Variants in DMD observed in about 807,000 individuals in gnomAD.
DMD encodes the protein mutant dystrophin.
DMD carries 63 observed loss-of-function variants against 330.1 expected under a neutral mutation model. The ratio of observed to expected loss-of-function variants is 0.19; its 90% confidence interval spans 0.16 to 0.24. DMD has a LOEUF of 0.24. Among genes scored for constraint, DMD ranks in the 10% least tolerant of loss-of-function variants. The probability of loss-of-function intolerance (pLI) is 1.00; values close to 1 mark genes in which losing one functional copy is unlikely to be tolerated. For missense variants in DMD, 3,344 were observed against 2,684.1 expected (o/e 1.25, Z -5.43); for synonymous variants, 1,223 against 959.8 (o/e 1.27, Z -5.07).
At chrX:31,585,050 G>A (rs942483494) in intron 55 of DMD, among the ~76,000 whole-genome samples, 1 of 110,199 alleles carries the variant, frequency 9.1e-6, no homozygotes, top group Admixed American at 9.7e-5. Context: ...AATGAGGCGC[G>A]GTGGCTCACA....
chrX:32,483,936 T>C (rs963375696), intron 21 of DMD, among the ~76,000 whole-genome samples: 7 of 109,781 alleles, frequency 6.4e-5, no homozygotes, highest in Admixed American at 4.9e-4. Flanking sequence ...CTACATTAAT[T>C]CTGGAAATGA....
At chrX:33,051,212 CT>C (rs60096455) in intron 1 of DMD, among the ~76,000 whole-genome samples, 9,656 of 89,682 alleles carry the variant, frequency 0.11, 562 homozygotes, top group African/African-American at 0.25. Flanking sequence ...ACTGACTTTT[CT>C]TTTTTTTTTT....
In DMD at chrX:31,123,261, A is replaced by C. The variant is rs61150357; in HGVS notation, c.11047-1331T>G. 4.1e-3 allele frequency among the ~76,000 whole-genome samples: 462 copies of C among 111,905 alleles called. 3 individuals carry two copies. Among genetic ancestry groups the C allele is most frequent in the African/African-American group, 0.014 (416 of 30,623 alleles). Reference sequence around the variant, plus strand: ...TAATGTCATTCAGGCATTTCTATTAAGGTGACCAAGTTTGTATATCTATCT... The same window carrying C: ...TAATGTCATTCAGGCATTTCTATTACGGTGACCAAGTTTGTATATCTATCT... On this transcript the variant is annotated intron_variant, in intron 78 of 78. Coordinates refer to ENST00000357033, the MANE Select transcript of DMD (RefSeq NM_004006.3).
At chrX:32,860,026 T>C in intron 2 of DMD, among the ~76,000 whole-genome samples, 1 of 111,703 alleles carries the variant, frequency 9.0e-6, no homozygotes, top group Non-Finnish European at 1.9e-5. Flanking sequence ...ATATATTGTC[T>C]TTGTTAACCC....
chrX:31,619,111 C>T (rs958322683), intron 55 of DMD, among the ~76,000 whole-genome samples: 42 of 111,241 alleles, frequency 3.8e-4, no homozygotes, highest in South Asian at 7.6e-4. Flanking sequence ...TATTACCCCC[C>T]TTAATAATTG....
At chrX:31,643,326 T>C (rs2079886586) in intron 54 of DMD, among the ~76,000 whole-genome samples, 1 of 111,954 alleles carries the variant, frequency 8.9e-6, no homozygotes, top group South Asian at 3.7e-4. Context: ...TTCTTGTAGA[T>C]ATATTAGTAG....
At position 32,407,110 on chromosome X, in the gene DMD, C is replaced by A. The variant is rs372118698; in HGVS notation, c.4233+4642G>T. Among the ~76,000 whole-genome samples, 122 of 111,393 alleles carry A rather than the reference C, an allele frequency of 1.1e-3. 2 individuals are homozygous for A. The East Asian group carries it at 0.013, about 12-fold the overall frequency. On this transcript the variant is annotated intron_variant, in intron 30 of 78. Transcript: ENST00000357033. Reference sequence around the variant, plus strand: ...ACAACAAAAGCAATGGCAACAAAAGCCAAAATTGACAAATGGGATCTAATT... The same window carrying A: ...ACAACAAAAGCAATGGCAACAAAAGACAAAATTGACAAATGGGATCTAATT...
At chrX:31,471,166 A>C (rs989006347) in intron 59 of DMD, among the ~76,000 whole-genome samples, 2 of 110,640 alleles carry the variant, frequency 1.8e-5, no homozygotes, top group African/African-American at 3.3e-5. Context: ...GAATGGTTCT[A>C]TCTCGCTGGT....
At chrX:32,977,111 G>C (rs1488980559) in intron 2 of DMD, among the ~76,000 whole-genome samples, 1 of 110,628 alleles carries the variant, frequency 9.0e-6, no homozygotes, top group Non-Finnish European at 1.9e-5. Flanking sequence ...GGCCAACGTG[G>C]CAAAACCCCA....
intron 1 of DMD, among the ~76,000 whole-genome samples, chrX:33,162,997 A>G (rs1480532783): frequency 8.9e-6 from 1 of 111,829 alleles, no homozygotes; most frequent in Non-Finnish European, 1.9e-5. Context: ...TCTCTAATAA[A>G]CTGGAGGAAA....
At chrX:31,833,301 G>A (rs184506718) in intron 49 of DMD, among the ~76,000 whole-genome samples, 1,507 of 14,873 alleles carry the variant, frequency 0.1, 35 homozygotes, top group Middle Eastern at 0.15. Flanking sequence ...AGGGAGAGAG[G>A]GAGAGAGGGA....
intron 2 of DMD, among the ~76,000 whole-genome samples, chrX:32,857,304 C>T (rs1460755161): frequency 1.2e-4 from 13 of 111,972 alleles, no homozygotes; most frequent in Non-Finnish European, 1.7e-4. Context: ...TTTAATGAAA[C>T]TTTAAGGAAA....
intron 48 of DMD, among the ~76,000 whole-genome samples, chrX:31,838,273 G>A (rs1239825921): frequency 9.0e-6 from 1 of 111,589 alleles, no homozygotes; most frequent in Non-Finnish European, 1.9e-5. Context: ...AATACTTTAA[G>A]AGAAAATAAA....
chrX:32,438,428 T>C (rs1440985590), intron 28 of DMD, 38 bp from the exon 29 acceptor site: 2 of 1,182,119 alleles, frequency 1.7e-6, no homozygotes, highest in South Asian at 1.8e-5. Flanking sequence ...TTCTCCTTTT[T>C]TTTCTAAATA....
chrX:32,804,270 A>G (rs1380282107), intron 7 of DMD, among the ~76,000 whole-genome samples: 1 of 112,003 alleles, frequency 8.9e-6, no homozygotes, highest in Non-Finnish European at 1.9e-5. Flanking sequence ...AGTGGACCTG[A>G]GGCTCCAGCT....
intron 63 of DMD, among the ~76,000 whole-genome samples, chrX:31,250,512 T>C (rs2049244130): frequency 8.9e-6 from 1 of 112,214 alleles, no homozygotes; most frequent in Admixed American, 9.5e-5. Flanking sequence ...TGATTTGAGT[T>C]TACATTTATA....
At chrX:32,990,213 T>C (rs1389529107) in intron 2 of DMD, among the ~76,000 whole-genome samples, 2 of 111,750 alleles carry the variant, frequency 1.8e-5, no homozygotes, top group African/African-American at 6.5e-5. Context: ...TTTGAGGTAC[T>C]TGTTTTCCTT....
intron 27 of DMD, among the ~76,000 whole-genome samples, chrX:32,442,982 A>C (rs2098288255): frequency 9.0e-6 from 1 of 111,023 alleles, no homozygotes; most frequent in Non-Finnish European, 1.9e-5. Flanking sequence ...ACAAAGGAAT[A>C]ACAAAGGTAG....
chrX:32,998,088 C>T (rs917548377), intron 2 of DMD, among the ~76,000 whole-genome samples: 2 of 110,236 alleles, frequency 1.8e-5, no homozygotes, highest in Non-Finnish European at 1.9e-5. Flanking sequence ...AGGCTAGATG[C>T]GGTGGCTCAC....
Sources: allele counts gnomAD v4.1 joint callset (sites outside exome capture counted in the v4.1 genomes callset), GRCh38; gene constraint gnomAD v4.1.1; transcripts MANE v1.5; gene names NCBI Gene and HGNC (gene_info 2026-07-23, HGNC 2026-07-21).